DOCK3: variants seen among roughly 807,000 people sequenced by gnomAD.
DOCK3 encodes the protein dedicator of cytokinesis protein 3.
Under a neutral mutation model 265.6 loss-of-function variants are expected in DOCK3, and 60 were observed. The observed-to-expected ratio is 0.23, with a 90% CI of 0.18 to 0.28. The LOEUF (loss-of-function observed/expected upper bound fraction) is 0.28, where lower values mean the gene tolerates loss of function less well. Ranked by LOEUF, DOCK3 falls within the 10% of genes least tolerant of loss-of-function variation. The pLI is 1.00. For missense variants in DOCK3, 1,981 were observed against 2,594.3 expected (o/e 0.76, Z 5.14); for synonymous variants, 881 against 938.0 (o/e 0.94, Z 1.11).
intron 14 of DOCK3, among the ~76,000 whole-genome samples, chr3:51,216,813 T>A (rs1330323816): frequency 6.6e-6 from 1 of 152,212 alleles, no homozygotes; most frequent in Non-Finnish European, 1.5e-5. Context: ...AAACAGTGAC[T>A]GTGTTAAGAA....
intron 2 of DOCK3, chr3:50,788,204 G>T: frequency 1.3e-6 from 1 of 766,594 alleles, no homozygotes; most frequent in South Asian, 2.4e-5. Flanking sequence ...TGCCCATGAC[G>T]GCTATCATCT....
At chr3:50,928,945 A>C (rs1427077297) in intron 4 of DOCK3, among the ~76,000 whole-genome samples, 3 of 152,182 alleles carry the variant, frequency 2.0e-5, no homozygotes, top group Admixed American at 6.5e-5. Flanking sequence ...TATAAAACAC[A>C]CTTTTTGTTA....
chr3:50,916,679 G>A (rs547704893), intron 4 of DOCK3, among the ~76,000 whole-genome samples: 214 of 151,690 alleles, frequency 1.4e-3, no homozygotes, highest in Non-Finnish European at 2.4e-3. Flanking sequence ...TGTGGTGGCG[G>A]GCACCTGTAA....
At chr3:51,002,441 A>G (rs1323228638) in intron 5 of DOCK3, among the ~76,000 whole-genome samples, 2 of 152,152 alleles carry the variant, frequency 1.3e-5, no homozygotes, top group Non-Finnish European at 2.9e-5. Flanking sequence ...AAAGTTTCAA[A>G]TTTTGAAGTC....
intron 1 of DOCK3, among the ~76,000 whole-genome samples, chr3:50,711,058 GAAC>G (rs1382116397): frequency 1.3e-5 from 2 of 152,078 alleles, no homozygotes; most frequent in African/African-American, 4.8e-5. Flanking sequence ...CTCCAGTAAA[GAAC>G]TTACCATATA....
chr3:50,760,220 G>T (rs1362959221), intron 1 of DOCK3, among the ~76,000 whole-genome samples: 1 of 152,026 alleles, frequency 6.6e-6, no homozygotes, highest in East Asian at 1.9e-4. Context: ...TTTTGCATGT[G>T]GTATCCAGTT....
chr3:51,209,207 A>G (rs1002838621), intron 13 of DOCK3, among the ~76,000 whole-genome samples: 1 of 152,202 alleles, frequency 6.6e-6, no homozygotes, highest in Non-Finnish European at 1.5e-5. Flanking sequence ...AAATACCTCT[A>G]TCTCTATATA....
At chr3:51,118,605 A>G (rs1360616085) in intron 9 of DOCK3, among the ~76,000 whole-genome samples, 2 of 152,198 alleles carry the variant, frequency 1.3e-5, no homozygotes, top group Non-Finnish European at 2.9e-5. Flanking sequence ...GTCTCTTTGT[A>G]GATCCCTAAG....
intron 7 of DOCK3, among the ~76,000 whole-genome samples, chr3:51,083,159 A>G (rs1490887679): frequency 1.3e-5 from 2 of 152,330 alleles, no homozygotes; most frequent in Non-Finnish European, 1.5e-5. Context: ...ACCACAGTCT[A>G]AGTCACTGCA....
chr3:50,882,264 A>G (rs941023672), intron 3 of DOCK3, among the ~76,000 whole-genome samples: 1 of 152,192 alleles, frequency 6.6e-6, no homozygotes, highest in Non-Finnish European at 1.5e-5. Context: ...AAATAGACAA[A>G]TGGGATCTAA....
At chr3:51,246,626 A>G in intron 21 of DOCK3, 100 bp from the exon 22 acceptor site, 1 of 1,075,302 alleles carries the variant, frequency 9.3e-7, no homozygotes, top group Non-Finnish European at 1.4e-6. Context: ...GCTCATCAGC[A>G]GAATATTATT....
At chr3:50,737,896 T>G (rs1443803632) in intron 1 of DOCK3, among the ~76,000 whole-genome samples, 1 of 152,216 alleles carries the variant, frequency 6.6e-6, no homozygotes, top group African/African-American at 2.4e-5. Context: ...AGTTTCTAGC[T>G]CTCTTTAGGG....
chr3:51,083,802 G>GT (rs1372676018), intron 7 of DOCK3, among the ~76,000 whole-genome samples: 1 of 152,096 alleles, frequency 6.6e-6, no homozygotes, highest in African/African-American at 2.4e-5. Context: ...GACCAACATG[G>GT]TGAAACCTTG....
At chr3:50,902,135 T>C (rs139778406) in intron 4 of DOCK3, among the ~76,000 whole-genome samples, 99 of 152,292 alleles carry the variant, frequency 6.5e-4, no homozygotes, top group African/African-American at 2.3e-3. Flanking sequence ...TTCTGTAGGC[T>C]GTCTGTTCAC....
chr3:50,976,509 A>T, intron 5 of DOCK3, among the ~76,000 whole-genome samples: 1 of 88,866 alleles, frequency 1.1e-5, no homozygotes, highest in African/African-American at 4.1e-5. Context: ...TCTGAGAGAA[A>T]GTTTGTTATA....
At chr3:51,117,776 T>C (rs1442157590) in intron 9 of DOCK3, among the ~76,000 whole-genome samples, 1 of 152,240 alleles carries the variant, frequency 6.6e-6, no homozygotes, top group Non-Finnish European at 1.5e-5. Flanking sequence ...TCTCTGATAG[T>C]AGTTTGTATT....
chr3:51,283,666 C>T (rs1231826066), intron 27 of DOCK3, among the ~76,000 whole-genome samples: 2 of 152,064 alleles, frequency 1.3e-5, no homozygotes, highest in African/African-American at 4.8e-5. Context: ...CCTCCTCCCC[C>T]AGCTCACCCT....
At chr3:50,946,641 G>A (rs1046858351) in intron 5 of DOCK3, among the ~76,000 whole-genome samples, 1 of 152,186 alleles carries the variant, frequency 6.6e-6, no homozygotes, top group African/African-American at 2.4e-5. Flanking sequence ...AGGGGAGGTT[G>A]TATGATACAC....
intron 2 of DOCK3, among the ~76,000 whole-genome samples, chr3:50,802,375 A>G (rs1033384030): frequency 2.6e-5 from 4 of 151,862 alleles, no homozygotes; most frequent in Non-Finnish European, 5.9e-5. Context: ...ATTGTTCCGT[A>G]TGTTTTATCG....
Sources: gnomAD v4.1 joint callset for allele counts (sites outside exome capture counted in the v4.1 genomes callset) on GRCh38, gnomAD v4.1.1 for gene constraint, MANE v1.5 for transcripts, NCBI Gene and HGNC (gene_info 2026-07-23, HGNC 2026-07-21) for gene names.